Variants in PDZK1 observed in about 807,000 individuals in gnomAD.
PDZK1 encodes PDZ domain containing 1.
PDZK1 carries 23 observed loss-of-function variants against 38.1 expected under a neutral mutation model. The observed-to-expected ratio is 0.60, with a 90% CI of 0.43 to 0.85. The LOEUF is 0.85. Among genes scored for constraint, PDZK1 ranks in the 40% least tolerant of loss-of-function variants. The probability of loss-of-function intolerance (pLI) is 0.00; values close to 1 mark genes in which losing one functional copy is unlikely to be tolerated. For missense variants in PDZK1, 297 were observed against 504.3 expected (o/e 0.59, Z 3.94); for synonymous variants, 98 against 186.2 (o/e 0.53, Z 3.86).
intron 3 of PDZK1, among the ~76,000 whole-genome samples, chr1:145,685,252 G>C (rs1366239832): frequency 6.6e-6 from 1 of 151,944 alleles, no homozygotes; most frequent in Non-Finnish European, 1.5e-5. Context: ...ACCTAGGCAA[G>C]GGATCGCTTG....
intron 1 of PDZK1, among the ~76,000 whole-genome samples, chr1:145,689,831 T>C (rs1429578220): frequency 6.6e-6 from 1 of 151,814 alleles, no homozygotes; most frequent in Non-Finnish European, 1.5e-5. Context: ...CATGGCATGG[T>C]GATTGAAGAT....
chr1:145,681,695 C>T (rs1442649518), intron 4 of PDZK1, among the ~76,000 whole-genome samples: 1 of 121,350 alleles, frequency 8.2e-6, no homozygotes, highest in East Asian at 2.3e-4. Context: ...CATAAAGGTA[C>T]CTAGATAAAA....
At chr1:145,682,752 A>T in intron 3 of PDZK1, 116 bp from the exon 4 acceptor site, 2 of 1,309,412 alleles carry the variant, frequency 1.5e-6, no homozygotes, top group Non-Finnish European at 2.1e-6. Context: ...CCCGATTTCT[A>T]CTTCATTTAC....
chr1:145,676,720 G>A (rs1488284642), intron 6 of PDZK1, among the ~76,000 whole-genome samples: 5 of 139,516 alleles, frequency 3.6e-5, no homozygotes, highest in Admixed American at 7.2e-5. Flanking sequence ...GCAAGACAAC[G>A]TCTCAAAAAA....
chr1:145,685,318 T>C (rs1244366352), intron 3 of PDZK1, among the ~76,000 whole-genome samples: 1 of 152,228 alleles, frequency 6.6e-6, no homozygotes, highest in East Asian at 1.9e-4. Flanking sequence ...CTCTGCTTCC[T>C]TAAACACTCA....
At chr1:145,693,794 G>A (rs2101919164) in intron 1 of PDZK1, among the ~76,000 whole-genome samples, 1 of 151,728 alleles carries the variant, frequency 6.6e-6, no homozygotes, top group African/African-American at 2.4e-5. Flanking sequence ...AATCACCCTA[G>A]GCTGCCTCGA....
intron 1 of PDZK1, among the ~76,000 whole-genome samples, chr1:145,701,030 C>T (rs923259233): frequency 6.6e-6 from 1 of 151,912 alleles, no homozygotes; most frequent in African/African-American, 2.4e-5. Flanking sequence ...TATGGTGAAA[C>T]CCCGTCTCTA....
intron 3 of PDZK1, among the ~76,000 whole-genome samples, chr1:145,685,078 G>A (rs1370541457): frequency 6.6e-6 from 1 of 152,018 alleles, no homozygotes; most frequent in African/African-American, 2.4e-5. Context: ...GTCCAAGACG[G>A]GGCAGGACAG....
chr1:145,672,965 A>G lies in PDZK1; in HGVS notation c.1271T>C (p.Ile424Thr), dbSNP rs781967147. The G allele has an allele frequency of 7.8e-5, 123 of 1,572,486 alleles. No individual in the cohort carries two copies. Among genetic ancestry groups the G allele is most frequent in the Non-Finnish European group, 1.0e-4 (116 of 1,144,882 alleles). The change falls in exon 8 of 9, where the codon ATT (isoleucine) becomes ACT (threonine). Residue 424 changes from isoleucine to threonine, a missense_variant. Transcript: ENST00000417171. Reference protein sequence around the residue: ...LAGLEDEDVIIEVNGVNVLDE... With the variant: ...LAGLEDEDVITEVNGVNVLDE... Reference sequence around the variant, plus strand: ...TAGCACATTCACCCCATTCACTTCAATGATGACATCCTCATCCTCTAGCCC... The same window carrying G: ...TAGCACATTCACCCCATTCACTTCAGTGATGACATCCTCATCCTCTAGCCC...
At chr1:145,680,744 A>G in intron 5 of PDZK1, among the ~76,000 whole-genome samples, 168 bp downstream of exon 5, 1 of 147,868 alleles carries the variant, frequency 6.8e-6, no homozygotes, top group Non-Finnish European at 1.5e-5. Context: ...GAAACTTTTG[A>G]TGCCCAACAT....
chr1:145,680,766 G>A, intron 5 of PDZK1, 146 bp downstream of exon 5: 1 of 532,334 alleles, frequency 1.9e-6, no homozygotes, highest in South Asian at 2.2e-5. Flanking sequence ...AGACCCTCAT[G>A]TGACATAGAC....
At chr1:145,691,142 C>T (rs1208049554) in intron 1 of PDZK1, among the ~76,000 whole-genome samples, 1 of 152,172 alleles carries the variant, frequency 6.6e-6, no homozygotes, top group Non-Finnish European at 1.5e-5. Flanking sequence ...TCTGCATGTA[C>T]CCAGGCCAAA....
chr1:145,700,021 G>A lies in PDZK1; in HGVS notation c.-3+7296C>T, dbSNP rs368029408. ...ACTCTTTCCTGTCCTCTGATGAAAC[G>A]CCTGATGCAATGGGAATCCCATTTT... On this transcript the variant is annotated intron_variant, in intron 1 of 8. Coordinates refer to ENST00000417171, the MANE Select transcript of PDZK1 (RefSeq NM_001201325.2). Among the ~76,000 whole-genome samples, 53 of 152,256 alleles carry A rather than the reference G, an allele frequency of 3.5e-4. No individual in the cohort carries two copies. The South Asian group carries it at 9.5e-3, about 27-fold the overall frequency.
chr1:145,671,489 C>T lies in PDZK1; in HGVS notation c.1507G>A (p.Ala503Thr). 3 of 1,547,856 alleles carry T rather than the reference C, an allele frequency of 1.9e-6. No individual in the cohort carries two copies. Among genetic ancestry groups the T allele is most frequent in the Non-Finnish European group, 2.7e-6 (3 of 1,125,492 alleles). ...NHDSHMAKER[A>T]HSTASHSSSN... ...GAAGAATGTGAGGCTGTACTGTGGG[C>T]CTGTGTATAAGAAAACAAAGAATTT... The change falls in exon 9 of 9, where the codon GCC becomes ACC. Residue 503 changes from alanine to threonine, a missense_variant and splice_region_variant. Ala to Thr is a moderately conservative substitution (Grantham distance 58). Around this residue, in one of 5 missense-constraint regions of PDZK1, gnomAD observed 54 missense variants for 72.1 expected, o/e 0.75. Coordinates refer to ENST00000417171, the MANE Select transcript of PDZK1 (RefSeq NM_001201325.2).
At chr1:145,694,272 C>T (rs1022984402) in intron 1 of PDZK1, among the ~76,000 whole-genome samples, 1 of 152,202 alleles carries the variant, frequency 6.6e-6, no homozygotes, top group African/African-American at 2.4e-5. Flanking sequence ...CCAGTCATCC[C>T]GTGAACCCTG....
chr1:145,687,394 G>A (rs923014722), intron 2 of PDZK1, among the ~76,000 whole-genome samples: 1 of 150,688 alleles, frequency 6.6e-6, no homozygotes, highest in Non-Finnish European at 1.5e-5. Context: ...GTGTGGTGGC[G>A]GGTGCCTATA....
At chr1:145,687,380 C>T (rs1479314307) in intron 2 of PDZK1, among the ~76,000 whole-genome samples, 2 of 147,608 alleles carry the variant, frequency 1.4e-5, no homozygotes, top group Admixed American at 1.3e-4. Context: ...AAAAAAAAAG[C>T]TGGGTGTGGT....
Position 145,673,775 on chromosome 1 carries a change from G to C in PDZK1, c.1097C>G (p.Pro366Arg). The change falls in exon 7 of 9, where the codon CCA becomes CGA. Residue 366 changes from proline (P) to arginine (R), a missense_variant. Around this residue, in one of 5 missense-constraint regions of PDZK1, gnomAD observed 49 missense variants for 135.6 expected, o/e 0.36. Coordinates refer to ENST00000417171, the MANE Select transcript of PDZK1 (RefSeq NM_001201325.2). ...ATGATCTACTTCCTCTGTAGTATCT[G>C]GTGGACTTGAGACTTCCAGAGAAGT... The part of the protein sequence containing the change: ...TPTSLEVSSP[P>R]DTTEEVDHKP... 6.2e-7 allele frequency: 1 copy of C among 1,611,770 alleles called. No homozygotes were observed. Among genetic ancestry groups the C allele is most frequent in the Non-Finnish European group, 8.5e-7 (1 of 1,179,812 alleles).
At chr1:145,675,248 T>C (rs1245277079) in intron 6 of PDZK1, among the ~76,000 whole-genome samples, 1 of 147,628 alleles carries the variant, frequency 6.8e-6, no homozygotes, top group Non-Finnish European at 1.5e-5. Flanking sequence ...GCTGTTTTAG[T>C]TGAGACAATT....
Sources: allele counts gnomAD v4.1 joint callset (sites outside exome capture counted in the v4.1 genomes callset), GRCh38; gene constraint gnomAD v4.1.1; regional missense constraint gnomAD v4.1.1; transcripts MANE v1.5; gene names NCBI Gene and HGNC (gene_info 2026-07-23, HGNC 2026-07-21).